The following THRB variants were observed in gnomAD, a reference collection of about 807,000 sequenced individuals.
The protein encoded by THRB is thyroid hormone receptor beta.
Under a neutral mutation model 47.8 loss-of-function variants are expected in THRB, and 12 were observed. That is an observed-to-expected ratio of 0.25 (90% CI 0.16 to 0.41). THRB has a LOEUF of 0.41. Ranked by LOEUF, THRB falls within the 10% of genes least tolerant of loss-of-function variation. The probability of loss-of-function intolerance (pLI) is 1.00; values close to 1 mark genes in which losing one functional copy is unlikely to be tolerated. For missense variants in THRB, 348 were observed against 589.2 expected (o/e 0.59, Z 4.24); for synonymous variants, 218 against 212.2 (o/e 1.03, Z -0.24).
At position 24,167,617 on chromosome 3, in the gene THRB, T is replaced by C. The variant is rs116685334; in HGVS notation, c.284-15127A>G. On this transcript the variant is annotated intron_variant, in intron 5 of 10. Coordinates refer to ENST00000646209, the MANE Select transcript of THRB (RefSeq NM_001354712.2). ...AAAATTAACCTTTCAATAAAGCAGT[T>C]TTCTTTTTTGGCAAATGCACATGTT... is the stretch of plus-strand genomic sequence containing the variant. 2.9e-3 allele frequency among the ~76,000 whole-genome samples: 438 copies of C among 152,270 alleles called. 4 individuals carry two copies. The highest frequency in any genetic ancestry group is 2.6e-3 in the Non-Finnish European group (174 of 68,012).
intron 1 of THRB, among the ~76,000 whole-genome samples, chr3:24,378,715 C>A (rs1431734391): frequency 1.3e-5 from 2 of 151,922 alleles, no homozygotes; most frequent in African/African-American, 2.4e-5. Flanking sequence ...GAATTTCCAA[C>A]TAAAAAGCTC....
intron 3 of THRB, among the ~76,000 whole-genome samples, chr3:24,232,667 A>G (rs1055479013): frequency 2.6e-4 from 39 of 152,292 alleles, no homozygotes; most frequent in Admixed American, 2.4e-3. Flanking sequence ...ATAAGACCCA[A>G]TGTGGGTTTT....
intron 5 of THRB, among the ~76,000 whole-genome samples, chr3:24,173,484 A>G (rs1051756244): frequency 9.2e-5 from 14 of 152,282 alleles, no homozygotes; most frequent in Admixed American, 3.9e-4. Context: ...TACACAACAA[A>G]CTTTATCACT....
At chr3:24,320,389 A>G (rs1235303048) in intron 2 of THRB, among the ~76,000 whole-genome samples, 2 of 152,186 alleles carry the variant, frequency 1.3e-5, no homozygotes, top group African/African-American at 4.8e-5. Flanking sequence ...TTACTCTTTC[A>G]GTGTTTCTCA....
At chr3:24,268,233 T>G (rs2052865618) in intron 3 of THRB, among the ~76,000 whole-genome samples, 1 of 152,052 alleles carries the variant, frequency 6.6e-6, no homozygotes, top group Admixed American at 6.5e-5. Context: ...ACAAAAAAAC[T>G]GGAGAGTGAA....
At chr3:24,208,345 C>G (rs1478248024) in intron 4 of THRB, among the ~76,000 whole-genome samples, 1 of 152,188 alleles carries the variant, frequency 6.6e-6, no homozygotes, top group Non-Finnish European at 1.5e-5. Flanking sequence ...TTGGAAAAAA[C>G]TACTTTAAAG....
intron 3 of THRB, among the ~76,000 whole-genome samples, chr3:24,251,824 T>A (rs2050700627): frequency 6.6e-6 from 1 of 152,064 alleles, no homozygotes; most frequent in Non-Finnish European, 1.5e-5. Context: ...TAAATCAGCA[T>A]AATTCTGATA....
rs983899785 is a variant in THRB at position 24,121,632 on chromosome 3, G to GTATC, written c.*1248_*1251dup. ...ATGGTCTGCAGGTGTTTTCTATTGA[G>GTATC]TATCTGTCAGGGTATGCTATGAGAG... On this transcript the variant is annotated 3_prime_UTR_variant, in exon 11 of 11. Transcript: ENST00000646209. 12 of 152,384 alleles carry GTATC rather than the reference G, an allele frequency of 7.9e-5. No homozygotes were observed. The highest frequency in any genetic ancestry group is 2.9e-4 in the African/African-American group (12 of 41,432). 9.4% of individuals were successfully genotyped at this position (152,384 alleles called of 1,614,324 possible). A position where few individuals can be genotyped will look rare whatever the true frequency, so the allele number is the denominator to read the frequency against.
intron 3 of THRB, among the ~76,000 whole-genome samples, chr3:24,283,006 A>G (rs1028700064): frequency 4.0e-5 from 6 of 151,784 alleles, no homozygotes; most frequent in Non-Finnish European, 8.8e-5. Context: ...CCAGAGGTAC[A>G]AGGAGGAACT....
chr3:24,168,599 A>G (rs1336238049), intron 5 of THRB, among the ~76,000 whole-genome samples: 1 of 151,454 alleles, frequency 6.6e-6, no homozygotes, highest in African/African-American at 2.4e-5. Flanking sequence ...TCCTGAGGTT[A>G]TTTACATAAG....
chr3:24,378,961 T>C (rs1378650887), intron 1 of THRB, among the ~76,000 whole-genome samples: 1 of 152,104 alleles, frequency 6.6e-6, no homozygotes, highest in Non-Finnish European at 1.5e-5. Context: ...TTTAAAAAAA[T>C]GCCAGCACCA....
At chr3:24,463,445 T>C (rs1039307207) in intron 1 of THRB, among the ~76,000 whole-genome samples, 1 of 152,110 alleles carries the variant, frequency 6.6e-6, no homozygotes, top group Non-Finnish European at 1.5e-5. Context: ...TTATTACTAT[T>C]ATTTTGTAGA....
At chr3:24,183,294 T>C (rs865440) in intron 5 of THRB, among the ~76,000 whole-genome samples, 50,540 of 145,326 alleles carry the variant, frequency 0.35, 8,634 homozygotes, top group African/African-American at 0.45. Flanking sequence ...CTCCTAAGTG[T>C]CAGGCACTAT....
intron 1 of THRB, among the ~76,000 whole-genome samples, chr3:24,345,880 T>C (rs1577010088): frequency 2.0e-5 from 3 of 152,260 alleles, no homozygotes; most frequent in Admixed American, 2.0e-4. Flanking sequence ...TGTCATAATT[T>C]ATCAAATTGT....
At chr3:24,373,211 T>C (rs2065041042) in intron 1 of THRB, among the ~76,000 whole-genome samples, 1 of 152,086 alleles carries the variant, frequency 6.6e-6, no homozygotes, top group South Asian at 2.1e-4. Flanking sequence ...ACAAAGCTCT[T>C]TGGTGAGAGT....
At chr3:24,400,540 G>A (rs1195182181) in intron 1 of THRB, among the ~76,000 whole-genome samples, 3 of 151,950 alleles carry the variant, frequency 2.0e-5, no homozygotes, top group Admixed American at 2.0e-4. Flanking sequence ...AGAGTTCAAG[G>A]TAGACTGGCA....
chr3:24,259,941 C>T (rs1313102762), intron 3 of THRB, among the ~76,000 whole-genome samples: 3 of 152,018 alleles, frequency 2.0e-5, no homozygotes, highest in East Asian at 3.9e-4. Flanking sequence ...AGAAAGTATA[C>T]AGTTTAATGG....
intron 1 of THRB, among the ~76,000 whole-genome samples, chr3:24,380,037 G>A (rs1237270772): frequency 2.0e-5 from 3 of 150,508 alleles, no homozygotes; most frequent in Non-Finnish European, 3.0e-5. Flanking sequence ...ATGTTCTTAT[G>A]ATGTTCTTAT....
At chr3:24,311,936 C>T (rs1273480024) in intron 2 of THRB, among the ~76,000 whole-genome samples, 2 of 152,188 alleles carry the variant, frequency 1.3e-5, no homozygotes, top group East Asian at 1.9e-4. Context: ...TACGCACAGG[C>T]CACCAATTAC....
Sources: allele counts gnomAD v4.1 joint callset (sites outside exome capture counted in the v4.1 genomes callset), GRCh38; gene constraint gnomAD v4.1.1; transcripts MANE v1.5; gene names NCBI Gene and HGNC (gene_info 2026-07-23, HGNC 2026-07-21).